The following TLR1 variants were observed in gnomAD, a reference collection of about 807,000 sequenced individuals.
TLR1 encodes toll-like receptor 1.
TLR1 carries 19 observed loss-of-function variants against 20.2 expected under a neutral mutation model. The ratio of observed to expected loss-of-function variants is 0.94; its 90% confidence interval spans 0.66 to 1.38. The LOEUF (loss-of-function observed/expected upper bound fraction) is 1.38, where lower values mean the gene tolerates loss of function less well. Ranked by LOEUF, TLR1 falls within the 40% of genes most tolerant of loss-of-function variation. The pLI, the probability that TLR1 is intolerant of heterozygous loss-of-function variation, is 0.00. For synonymous variants in TLR1, 320 were observed against 334.5 expected (o/e 0.96, Z 0.47); for missense variants, 921 against 910.0 (o/e 1.01, Z -0.16).
chr4:38,798,967 G>A (rs1017834866), intron 3 of TLR1, 69 bp from the exon 4 acceptor site: 2 of 814,498 alleles, frequency 2.5e-6, no homozygotes, highest in African/African-American at 1.8e-5. Context: ...ATTAGTCATG[G>A]CTGACATTAA....
At chr4:38,791,620 A>G (rs1287055080), downstream of TLR1, among the ~76,000 whole-genome samples, 1 of 151,924 alleles carries the variant, frequency 6.6e-6, no homozygotes, top group Non-Finnish European at 1.5e-5. Context: ...TTCTGATTTT[A>G]TTTCATCTTA....
chr4:38,801,469 G>A (rs779562921), intron 2 of TLR1, among the ~76,000 whole-genome samples: 3 of 152,166 alleles, frequency 2.0e-5, no homozygotes, highest in Non-Finnish European at 4.4e-5. Context: ...AAAATAATGG[G>A]AATAAAAATA....
rs370332202 is a variant in TLR1 at position 38,797,980 on chromosome 4, C to T, written c.852G>A (p.Gln284=). Residue 284 remains glutamine (Q), a synonymous_variant, in exon 4 of 4, where the codon CAG becomes CAA. Coordinates refer to ENST00000308979, the MANE Select transcript of TLR1 (RefSeq NM_003263.4). ...WYFSISNVKL[Q]GQLDFRDFDY... is the part of the protein sequence containing the mutation. ...CAAAATCTCTGAAGTCCAGCTGACC[C>T]TGTAGCTTCACGTTTGAAATTGAGA... 1 of 1,614,070 alleles carries T rather than the reference C, an allele frequency of 6.2e-7. No homozygotes were observed. Among genetic ancestry groups the T allele is most frequent in the East Asian group, 2.2e-5 (1 of 44,896 alleles).
rs892023944 is a variant in TLR1 at position 38,796,998 on chromosome 4, T to C, written c.1834A>G (p.Met612Val). The part of the protein sequence containing the change: ...SYLDLPWYLR[M>V]VCQWTQTRRR... ...CGGGTCTGGGTCCACTGGCACACCATCCTGAGATACCAGGGCAGATCCAAG... is the reference window on the plus strand; with the variant it reads ...CGGGTCTGGGTCCACTGGCACACCACCCTGAGATACCAGGGCAGATCCAAG... Residue 612 changes from methionine to valine, a missense_variant, in exon 4 of 4, where the codon ATG (methionine) becomes GTG (valine). By Grantham distance (21) the Met-to-Val change is conservative. Transcript: ENST00000308979. 1.9e-6 allele frequency: 3 copies of C among 1,614,178 alleles called. No homozygotes were observed. The highest frequency in any genetic ancestry group is 2.5e-6 in the Non-Finnish European group (3 of 1,180,040).
intron 2 of TLR1, among the ~76,000 whole-genome samples, chr4:38,802,909 T>C (rs1290395473): frequency 6.6e-6 from 1 of 152,176 alleles, no homozygotes; most frequent in African/African-American, 2.4e-5. Context: ...AATGGTATAA[T>C]TGCCCTGCTG....
At chr4:38,799,963 A>T (rs1295141406) in intron 3 of TLR1, among the ~76,000 whole-genome samples, 1 of 152,204 alleles carries the variant, frequency 6.6e-6, no homozygotes, top group Non-Finnish European at 1.5e-5. Context: ...TAAATGAATG[A>T]CTAAACTCAA....
downstream of TLR1, among the ~76,000 whole-genome samples, chr4:38,790,300 A>G (rs1725685570): frequency 6.6e-6 from 1 of 152,232 alleles, no homozygotes; most frequent in African/African-American, 2.4e-5. Context: ...GTTAATTTGG[A>G]GGGAGAACTT....
At chr4:38,796,203 G>A, downstream of TLR1, 1 of 418,840 alleles carries the variant, frequency 2.4e-6, no homozygotes, top group South Asian at 3.6e-5. Context: ...TGCTTCCCTT[G>A]ACTTCATGAT....
downstream of TLR1, among the ~76,000 whole-genome samples, chr4:38,787,748 T>C (rs954689850): frequency 6.6e-6 from 1 of 152,198 alleles, no homozygotes; most frequent in African/African-American, 2.4e-5. Flanking sequence ...GGTTTGTCAC[T>C]TTTCAAGCAT....
chr4:38,789,540 G>A (rs189894774), downstream of TLR1, among the ~76,000 whole-genome samples: 3 of 151,002 alleles, frequency 2.0e-5, no homozygotes, highest in East Asian at 1.9e-4. Flanking sequence ...AGAGTGCAAC[G>A]ATGTGATCGC....
intron 2 of TLR1, among the ~76,000 whole-genome samples, chr4:38,802,856 T>G (rs961711924): frequency 6.6e-6 from 1 of 152,154 alleles, no homozygotes; most frequent in African/African-American, 2.4e-5. Flanking sequence ...AGCCATAACA[T>G]AGGGAAGGTT....
In TLR1 at chr4:38,797,747, T is replaced by G; in HGVS notation, c.1085A>C (p.Asp362Ala). 6.2e-7 allele frequency: 1 copy of G among 1,614,060 alleles called. No individual in the cohort carries two copies. Among genetic ancestry groups the G allele is most frequent in the East Asian group, 2.2e-5 (1 of 44,884 alleles). ...HLDFSNNLLT[D>A]TVFENCGHLT... ...GTGCCCACAATTTTCAAAAACCGTG[T>G]CTGTTAAGAGATTATTGGAAAAATC... The change falls in exon 4 of 4, where the codon GAC becomes GCC. Residue 362 changes from aspartate to alanine, a missense_variant. Transcript: ENST00000308979.
At chr4:38,788,844 A>C (rs1453902133), downstream of TLR1, among the ~76,000 whole-genome samples, 2 of 152,038 alleles carry the variant, frequency 1.3e-5, no homozygotes, top group Non-Finnish European at 2.9e-5. Flanking sequence ...CCGTCTCTAC[A>C]AAAAAATTTT....
At chr4:38,790,850 T>C (rs946473298) in exon 4 of TLR1, 4 of 152,202 alleles carry the variant, frequency 2.6e-5, no homozygotes, top group African/African-American at 9.6e-5. Context: ...CTTTTTAAGT[T>C]CTAAGAAACG....
In TLR1 at chr4:38,797,882, CTT is replaced by C. The variant is rs1336434335; in HGVS notation, c.948_949del (p.Ser317LeufsTer4). 3.7e-6 allele frequency: 6 copies of C among 1,613,938 alleles called. No homozygotes were observed. In the East Asian group the frequency reaches 6.7e-5, roughly 18 times the overall value. Reference sequence around the variant, plus strand: ...ATTCGAAAAGATTTCATAGATATAACTTTGCGGAAAACCGAACACATCGCTGA... The same window carrying C: ...ATTCGAAAAGATTTCATAGATATAACTGCGGAAAACCGAACACATCGCTGA... On this transcript the variant is annotated frameshift_variant, in exon 4 of 4. Transcript: ENST00000308979. LOFTEE classifies it low-confidence loss of function (END_TRUNC).
At chr4:38,794,341 T>C (rs973303283), downstream of TLR1, among the ~76,000 whole-genome samples, 4 of 152,218 alleles carry the variant, frequency 2.6e-5, no homozygotes, top group African/African-American at 9.6e-5. Context: ...TGCCTCCCAC[T>C]ATTATGCTTC....
In TLR1 at chr4:38,804,319, CAGAAGAGCTGA is replaced by C. The variant is rs1190896098; in HGVS notation, c.-184_-174del. On this transcript the variant is annotated 5_prime_UTR_variant, in exon 2 of 4. An upstream open reading frame in the 5' UTR gains an earlier in-frame stop. Transcript: ENST00000308979. ...ACTGAAACAAACCTGGCCACAAAAA[CAGAAGAGCTGA>C]ACAGCAGCATTGCCTCCGGGAGTAA... 1 of 152,310 alleles carries C rather than the reference CAGAAGAGCTGA, an allele frequency of 6.6e-6. No homozygotes were observed. The highest frequency in any genetic ancestry group is 1.5e-5 in the Non-Finnish European group (1 of 68,090). The allele number at this position is 152,310 out of a possible 1,614,324, so 9.4% of individuals were successfully genotyped here.
intron 2 of TLR1, among the ~76,000 whole-genome samples, 168 bp from the exon 3 acceptor site, chr4:38,801,116 T>C (rs1346690168): frequency 2.6e-5 from 4 of 152,254 alleles, no homozygotes; most frequent in Non-Finnish European, 5.9e-5. Context: ...ATGGATGTTA[T>C]AGCTTGAATG....
chr4:38,798,640 G>A lies in TLR1; in HGVS notation c.192C>T (p.Asp64=), dbSNP rs750147085. The part of the protein sequence containing the change: ...QNYISELWTS[D]ILSLSKLRIL... ...TCCTCAGTTTTGACAGTGATAAGAT[G>A]TCAGAAGTCCAAAGCTCAGATATAT... Residue 64 remains aspartate (D), a synonymous_variant, in exon 4 of 4, where the codon GAC becomes GAT. Transcript: ENST00000308979. 6 of 1,613,824 alleles carry A rather than the reference G, an allele frequency of 3.7e-6. No individual in the cohort carries two copies. In the East Asian group the frequency reaches 6.7e-5, roughly 18 times the overall value.
Sources: allele counts gnomAD v4.1 joint callset (sites outside exome capture counted in the v4.1 genomes callset), GRCh38; gene constraint gnomAD v4.1.1; transcripts MANE v1.5; gene names NCBI Gene and HGNC (gene_info 2026-07-23, HGNC 2026-07-21).